Variants in TIAM1 observed in about 807,000 individuals in gnomAD.
The protein encoded by TIAM1 is TIAM Rac1 associated GEF 1.
A neutral mutation model predicts 163.5 loss-of-function variants in TIAM1; 65 were observed. The observed-to-expected ratio is 0.40, with a 90% CI of 0.33 to 0.49. The LOEUF (loss-of-function observed/expected upper bound fraction) is 0.49, where lower values mean the gene tolerates loss of function less well. TIAM1 is among the 20% of genes least tolerant of loss of function. The probability of loss-of-function intolerance (pLI) is 0.77; values close to 1 mark genes in which losing one functional copy is unlikely to be tolerated. For missense variants in TIAM1, 1,789 were observed against 2,044.7 expected, an observed-to-expected ratio of 0.87 and a Z score of 2.41; for synonymous variants, 833 against 810.1, an observed-to-expected ratio of 1.03 and a Z score of -0.48.
chr21:31,362,236 C>A (rs2076418587), intron 2 of TIAM1, among the ~76,000 whole-genome samples: 1 of 151,882 alleles, frequency 6.6e-6, no homozygotes, highest in Non-Finnish European at 1.5e-5. Context: ...GAGTTCAGTG[C>A]ATCCACCCTC....
At chr21:31,477,256 A>G (rs1018303577) in intron 1 of TIAM1, among the ~76,000 whole-genome samples, 1 of 152,210 alleles carries the variant, frequency 6.6e-6, no homozygotes, top group African/African-American at 2.4e-5. Flanking sequence ...TGGGCTTTGC[A>G]TCAATAACAC....
intron 2 of TIAM1, among the ~76,000 whole-genome samples, chr21:31,371,098 A>G (rs2076589929): frequency 6.6e-6 from 1 of 152,222 alleles, no homozygotes. Flanking sequence ...ACCAGTCATC[A>G]AAAGTTCCTG....
At chr21:31,479,689 A>G (rs1043736664) in intron 1 of TIAM1, among the ~76,000 whole-genome samples, 9 of 152,152 alleles carry the variant, frequency 5.9e-5, no homozygotes, top group African/African-American at 1.9e-4. Context: ...CACGCCACTG[A>G]AGGAAGTGAA....
At chr21:31,526,735 T>C in intron 1 of TIAM1, among the ~76,000 whole-genome samples, 1 of 152,132 alleles carries the variant, frequency 6.6e-6, no homozygotes, top group East Asian at 1.9e-4. Context: ...AGAGTCTCCC[T>C]ATGTCACCCA....
At position 31,175,848 on chromosome 21, in the gene TIAM1, C is replaced by T. The variant is rs541983789; in HGVS notation, c.2887+6573G>A. 1.7e-3 allele frequency among the ~76,000 whole-genome samples: 264 copies of T among 152,296 alleles called. 1 individual carries two copies. Among genetic ancestry groups the T allele is most frequent in the African/African-American group, 6.2e-3 (256 of 41,560 alleles). ...TCCTGACCTTAGGTGATCCACCTGC[C>T]TCGGCCTCCCAAAGTGCTGGGATGA... is the stretch of plus-strand genomic sequence containing the variant. On this transcript the variant is annotated intron_variant, in intron 15 of 27. Coordinates refer to ENST00000541036, the MANE Select transcript of TIAM1 (RefSeq NM_001353694.2).
At chr21:31,150,407 T>C (rs1395878693) in intron 19 of TIAM1, among the ~76,000 whole-genome samples, 1 of 152,172 alleles carries the variant, frequency 6.6e-6, no homozygotes, top group African/African-American at 2.4e-5. Context: ...GCAGGCAAAG[T>C]GTATGGGGGC....
intron 7 of TIAM1, among the ~76,000 whole-genome samples, chr21:31,224,997 G>C (rs1056758152): frequency 6.6e-5 from 10 of 151,900 alleles, no homozygotes; most frequent in Non-Finnish European, 1.2e-4. Flanking sequence ...GATCTAGATA[G>C]ATAGATAGAT....
chr21:31,119,165 ATC>A lies in TIAM1; in HGVS notation c.*1201_*1202del, dbSNP rs2081911766. ...TTGTTTTTCTTCTTAGTATTTGGAT[ATC>A]TGTTTAGACTGTTAATGTTTTGAGC... On this transcript the variant is annotated 3_prime_UTR_variant, in exon 28 of 28. Coordinates refer to ENST00000541036, the MANE Select transcript of TIAM1 (RefSeq NM_001353694.2). 6.5e-6 allele frequency: 1 copy of A among 153,098 alleles called. No individual in the cohort carries two copies. The highest frequency in any genetic ancestry group is 6.5e-5 in the Admixed American group (1 of 15,306). The allele number at this position is 153,098 out of a possible 1,614,324, so 9.5% of individuals were successfully genotyped here. A position where few individuals can be genotyped will look rare whatever the true frequency, so the allele number is the denominator to read the frequency against.
chr21:31,282,755 A>C (rs2073626039), intron 2 of TIAM1, among the ~76,000 whole-genome samples: 1 of 152,254 alleles, frequency 6.6e-6, no homozygotes, highest in African/African-American at 2.4e-5. Flanking sequence ...TACTCCATAA[A>C]GCATGAATGA....
chr21:31,328,365 C>G (rs928379894), intron 2 of TIAM1, among the ~76,000 whole-genome samples: 1 of 151,860 alleles, frequency 6.6e-6, no homozygotes, highest in African/African-American at 2.4e-5. Context: ...GTACTTAACA[C>G]GTACATATTT....
chr21:31,401,100 G>A (rs2077157094), intron 2 of TIAM1, among the ~76,000 whole-genome samples: 1 of 152,106 alleles, frequency 6.6e-6, no homozygotes, highest in Non-Finnish European at 1.5e-5. Context: ...AAATAAAGTG[G>A]AATCACTGCA....
upstream of TIAM1, among the ~76,000 whole-genome samples, chr21:31,347,774 T>C (rs1356189267): frequency 7.1e-6 from 1 of 140,838 alleles, no homozygotes; most frequent in Non-Finnish European, 1.5e-5. Flanking sequence ...GACACCCTTA[T>C]GCACGAACGT....
intron 1 of TIAM1, among the ~76,000 whole-genome samples, chr21:31,517,835 T>C (rs1465882991): frequency 6.6e-6 from 1 of 152,176 alleles, no homozygotes; most frequent in African/African-American, 2.4e-5. Context: ...AAGAGAAATC[T>C]GTACAAACAA....
intron 1 of TIAM1, among the ~76,000 whole-genome samples, chr21:31,536,898 C>A (rs2048153876): frequency 6.6e-6 from 1 of 152,226 alleles, no homozygotes; most frequent in South Asian, 2.1e-4. Flanking sequence ...AGGGCATTAG[C>A]TTCCTAGGCC....
chr21:31,146,797 C>A, intron 20 of TIAM1, 98 bp downstream of exon 20: 2 of 872,286 alleles, frequency 2.3e-6, no homozygotes, highest in Non-Finnish European at 3.7e-6. Context: ...ATCTGGCAAC[C>A]AATGACTCTT....
At chr21:31,189,717 G>A (rs2085464932) in intron 13 of TIAM1, among the ~76,000 whole-genome samples, 1 of 151,992 alleles carries the variant, frequency 6.6e-6, no homozygotes, top group Non-Finnish European at 1.5e-5. Context: ...ACCTTGCCTT[G>A]CAACAAACAT....
At chr21:31,473,843 C>A (rs975117576) in intron 1 of TIAM1, among the ~76,000 whole-genome samples, 3 of 152,156 alleles carry the variant, frequency 2.0e-5, no homozygotes, top group Non-Finnish European at 4.4e-5. Context: ...TGCCGCCCTG[C>A]ACTGGAGACT....
At chr21:31,383,277 C>G (rs1490583733) in intron 2 of TIAM1, among the ~76,000 whole-genome samples, 1 of 152,122 alleles carries the variant, frequency 6.6e-6, no homozygotes, top group Non-Finnish European at 1.5e-5. Context: ...TCCATAAATT[C>G]AGAATACTTA....
intron 20 of TIAM1, 117 bp downstream of exon 20, chr21:31,146,778 G>A: frequency 1.4e-6 from 1 of 733,882 alleles, no homozygotes; most frequent in South Asian, 1.7e-5. Context: ...GTGGCTTGCT[G>A]GAACATCTAT....
Sources: gnomAD v4.1 joint callset for allele counts (sites outside exome capture counted in the v4.1 genomes callset) on GRCh38, gnomAD v4.1.1 for gene constraint, MANE v1.5 for transcripts, NCBI Gene and HGNC (gene_info 2026-07-23, HGNC 2026-07-21) for gene names.